Variants in PDXDC1 observed in about 807,000 individuals in gnomAD.
PDXDC1 encodes the protein pyridoxal dependent decarboxylase domain containing 1, also known as pyridoxal-dependent decarboxylase domain-containing protein 1.
A neutral mutation model predicts 100.1 loss-of-function variants in PDXDC1; 42 were observed. The ratio of observed to expected loss-of-function variants is 0.42; its 90% CI spans 0.33 to 0.54. The LOEUF (loss-of-function observed/expected upper bound fraction) is 0.54. Among genes scored for constraint, PDXDC1 ranks in the 20% least tolerant of loss-of-function variants. The probability of loss-of-function intolerance (pLI) is 0.10; values close to 1 mark genes in which losing one functional copy is unlikely to be tolerated. For missense variants in PDXDC1, 636 were observed against 979.2 expected (o/e 0.65, Z 4.68); for synonymous variants, 260 against 371.7 (o/e 0.70, Z 3.46).
At chr16:15,083,115 C>T (rs1403029103) in intron 16 of PDXDC1, among the ~76,000 whole-genome samples, 1 of 152,144 alleles carries the variant, frequency 6.6e-6, no homozygotes, top group Non-Finnish European at 1.5e-5. Flanking sequence ...AAGAAAAAGA[C>T]CTAACATTAG....
intron 12 of PDXDC1, among the ~76,000 whole-genome samples, chr16:15,020,915 G>A (rs2042146840): frequency 1.3e-5 from 2 of 152,174 alleles, no homozygotes; most frequent in Admixed American, 1.3e-4. Context: ...AACTTGGGAG[G>A]CAGAGGTTGC....
intron 16 of PDXDC1, among the ~76,000 whole-genome samples, chr16:15,087,990 C>T (rs1190884048): frequency 9.2e-5 from 14 of 151,858 alleles, no homozygotes; most frequent in African/African-American, 1.7e-4. Flanking sequence ...GGTGCATGCC[C>T]GTAATCCCAG....
intron 16 of PDXDC1, among the ~76,000 whole-genome samples, chr16:15,080,828 C>T (rs1597959262): frequency 3.5e-5 from 2 of 56,920 alleles, no homozygotes; most frequent in Admixed American, 5.5e-4. Flanking sequence ...ATGAATCTGC[C>T]TCTTTGACAT....
chr16:15,143,425 G>GT (rs1464032170), downstream of PDXDC1, among the ~76,000 whole-genome samples: 1 of 152,230 alleles, frequency 6.6e-6, no homozygotes, highest in Non-Finnish European at 1.5e-5. Flanking sequence ...CCGGCCCGAG[G>GT]TATCTGACAC....
chr16:15,054,336 G>A (rs1441505105), intron 16 of PDXDC1, among the ~76,000 whole-genome samples: 1 of 152,196 alleles, frequency 6.6e-6, no homozygotes, highest in Non-Finnish European at 1.5e-5. Context: ...CTTCCTTCGA[G>A]AGAAGCAGCC....
intron 16 of PDXDC1, chr16:15,074,532 C>A: frequency 2.2e-6 from 1 of 463,260 alleles, no homozygotes. Flanking sequence ...TATAACTCAG[C>A]CAGAATCCCA....
chr16:15,126,925 T>C (rs1039139781), intron 16 of PDXDC1: 3 of 236,780 alleles, frequency 1.3e-5, no homozygotes, highest in Non-Finnish European at 2.5e-5. Context: ...CCCAAAGTGT[T>C]GGGATTACAG....
chr16:15,084,565 A>T, intron 16 of PDXDC1: 2 of 1,058,662 alleles, frequency 1.9e-6, no homozygotes, highest in Non-Finnish European at 2.8e-6. Context: ...TAATACTATT[A>T]ACATTTTATA....
chr16:15,038,864 G>A (rs1264376077), downstream of PDXDC1, among the ~76,000 whole-genome samples: 1 of 152,182 alleles, frequency 6.6e-6, no homozygotes, highest in Non-Finnish European at 1.5e-5. Flanking sequence ...GTCTGCTTCT[G>A]CACACTGTGG....
At chr16:15,148,090 G>C in the PDXDC1 span, among the ~76,000 whole-genome samples, 2 of 151,552 alleles carry the variant, frequency 1.3e-5, no homozygotes, top group African/African-American at 4.8e-5. Flanking sequence ...ATAGACTCAG[G>C]GAATCCTCCC....
intron 16 of PDXDC1, chr16:15,094,115 A>G: frequency 6.4e-7 from 1 of 1,565,268 alleles, no homozygotes; most frequent in Non-Finnish European, 8.7e-7. Context: ...TTCGTCCCAG[A>G]TACGCAGAAG....
chr16:15,055,558 C>A (rs2044476043), intron 16 of PDXDC1, among the ~76,000 whole-genome samples: 3 of 152,224 alleles, frequency 2.0e-5, no homozygotes, highest in Non-Finnish European at 4.4e-5. Flanking sequence ...CTAAACGGAC[C>A]CAGCCCTATG....
intron 16 of PDXDC1, chr16:15,131,222 C>T (rs1253278011): frequency 3.8e-6 from 6 of 1,591,214 alleles, no homozygotes; most frequent in Non-Finnish European, 5.1e-6. Context: ...CCCCGGGCAG[C>T]CCAGTCCGAG....
At chr16:15,041,170 GATT>G, downstream of PDXDC1, 3 of 1,177,698 alleles carry the variant, frequency 2.5e-6, no homozygotes, top group Non-Finnish European at 3.8e-6. Context: ...AATACCAAAT[GATT>G]ATTTTTACTT....
At chr16:15,069,365 G>A (rs2045124210) in intron 16 of PDXDC1, among the ~76,000 whole-genome samples, 1 of 152,168 alleles carries the variant, frequency 6.6e-6, no homozygotes, top group African/African-American at 2.4e-5. Flanking sequence ...TTTAGAGGAA[G>A]TGACCCACAA....
intron 8 of PDXDC1, 93 bp downstream of exon 8, chr16:15,009,852 G>T (rs551795397): frequency 3.7e-6 from 6 of 1,603,872 alleles, no homozygotes; most frequent in Non-Finnish European, 5.1e-6. Flanking sequence ...AGAAATGTGT[G>T]TGTACCACAT....
At chr16:15,087,969 C>T (rs907037687) in intron 16 of PDXDC1, among the ~76,000 whole-genome samples, 12 of 152,082 alleles carry the variant, frequency 7.9e-5, no homozygotes, top group African/African-American at 2.9e-4. Flanking sequence ...ACAAAATTAG[C>T]TGGGCGTGGT....
At chr16:14,980,416 A>G (rs530405843) in intron 1 of PDXDC1, among the ~76,000 whole-genome samples, 14 of 152,376 alleles carry the variant, frequency 9.2e-5, no homozygotes, top group Admixed American at 5.9e-4. Flanking sequence ...GGGTTCAAGC[A>G]ATTCTCCTGC....
chr16:14,977,828 T>C (rs1160854577), intron 1 of PDXDC1, among the ~76,000 whole-genome samples: 1 of 152,292 alleles, frequency 6.6e-6, no homozygotes, highest in Non-Finnish European at 1.5e-5. Flanking sequence ...ATGTGAGCAG[T>C]TGTAAATGAT....
Sources: allele counts gnomAD v4.1 joint callset (sites outside exome capture counted in the v4.1 genomes callset), GRCh38; gene constraint gnomAD v4.1.1; transcripts MANE v1.5; gene names NCBI Gene and HGNC (gene_info 2026-07-23, HGNC 2026-07-21).